ABCA13: variants seen among roughly 807,000 people sequenced by gnomAD.
ABCA13 encodes the protein ATP binding cassette subfamily A member 13.
A neutral mutation model predicts 478.7 loss-of-function variants in ABCA13; 476 were observed. That is an observed-to-expected ratio of 0.99 (90% CI 0.92 to 1.07). The LOEUF (loss-of-function observed/expected upper bound fraction) is 1.07. ABCA13 is among the 50% of genes least tolerant of loss of function. The probability of loss-of-function intolerance (pLI) is 0.00; values close to 1 mark genes in which losing one functional copy is unlikely to be tolerated. For missense variants in ABCA13, 6,060 were observed against 5,910.6 expected, an observed-to-expected ratio of 1.03 and a Z score of -0.83; for synonymous variants, 2,252 against 2,158.9, an observed-to-expected ratio of 1.04 and a Z score of -1.20.
intron 42 of ABCA13, among the ~76,000 whole-genome samples, chr7:48,430,400 G>A (rs778890709): frequency 6.6e-6 from 1 of 151,842 alleles, no homozygotes; most frequent in Non-Finnish European, 1.5e-5. Context: ...TGTTTGTCAG[G>A]CGTGGTGGCT....
intron 29 of ABCA13, among the ~76,000 whole-genome samples, chr7:48,347,759 A>G (rs2128973825): frequency 6.6e-6 from 1 of 152,350 alleles, no homozygotes; most frequent in South Asian, 2.1e-4. Flanking sequence ...TCTTAAAGCA[A>G]GATAAAGGCA....
chr7:48,464,926 G>C (rs1826698398), intron 43 of ABCA13, among the ~76,000 whole-genome samples: 1 of 152,174 alleles, frequency 6.6e-6, no homozygotes, highest in African/African-American at 2.4e-5. Flanking sequence ...ACTTATTATG[G>C]AATCGGTGTT....
At chr7:48,551,307 T>A (rs919767350) in intron 55 of ABCA13, among the ~76,000 whole-genome samples, 1 of 151,856 alleles carries the variant, frequency 6.6e-6, no homozygotes, top group African/African-American at 2.4e-5. Flanking sequence ...TAGAATTTGG[T>A]GAGGCAATAA....
rs1213797697 is a variant in ABCA13, at chr7:48,245,910, G to T, written c.1539G>T (p.Lys513Asn). Residue 513 changes from lysine (K) to asparagine (N), a missense_variant, in exon 13 of 62, where the codon AAG (lysine) becomes AAT (asparagine). Around this residue, in one of 3 missense-constraint regions of ABCA13, gnomAD observed 4,423 missense variants for 4,309.1 expected, o/e 1.03. Coordinates refer to ENST00000435803, the MANE Select transcript of ABCA13 (RefSeq NM_152701.5). ...AVCPNGRFSE[K>N]EVFLPPGNSS... is the part of the protein sequence containing the mutation. ...GCCCGAATGGTCGTTTCTCTGAGAA[G>T]GAGGTCTTTTTGCCGCCTGGAAACT... is the stretch of plus-strand genomic sequence containing the variant. The T allele has an allele frequency of 2.5e-6, 4 of 1,613,582 alleles. No homozygotes were observed. In the African/African-American group the frequency reaches 5.3e-5, roughly 22 times the overall value.
At chr7:48,198,079 T>G (rs530244265) in intron 2 of ABCA13, among the ~76,000 whole-genome samples, 158 bp from the exon 3 acceptor site, 5 of 152,316 alleles carry the variant, frequency 3.3e-5, no homozygotes, top group Admixed American at 2.0e-4. Context: ...TTCCATTTTG[T>G]TTGATTCTTT....
intron 55 of ABCA13, among the ~76,000 whole-genome samples, chr7:48,552,271 G>A (rs531690317): frequency 6.6e-6 from 1 of 151,812 alleles, no homozygotes; most frequent in African/African-American, 2.4e-5. Flanking sequence ...CATTCTTCTG[G>A]AAATACCAGT....
intron 52 of ABCA13, among the ~76,000 whole-genome samples, 187 bp from the exon 53 acceptor site, chr7:48,519,854 A>G (rs1396706659): frequency 8.5e-5 from 13 of 152,352 alleles, no homozygotes; most frequent in African/African-American, 2.4e-4. Context: ...AAATACCAGT[A>G]GATCTAATTA....
chr7:48,627,970 C>T (rs1320551080), intron 59 of ABCA13, among the ~76,000 whole-genome samples: 1 of 152,150 alleles, frequency 6.6e-6, no homozygotes, highest in Non-Finnish European at 1.5e-5. Context: ...CTCCATGACC[C>T]AAACACTTCC....
chr7:48,584,589 G>T (rs1484889228), intron 56 of ABCA13, among the ~76,000 whole-genome samples: 2 of 152,150 alleles, frequency 1.3e-5, no homozygotes, highest in African/African-American at 4.8e-5. Context: ...ATGCTGTCCA[G>T]GGCTGGTTCC....
Position 48,396,900 on chromosome 7 carries a change from T to C in ABCA13, c.11873+4761T>C, listed in dbSNP as rs1165132089. ...GGAATCTCACCCCAGTAAGGTCAGA[T>C]TGCAAACACGGGATCCTAGAGGGGC... is the stretch of plus-strand genomic sequence containing the variant. On this transcript the variant is annotated intron_variant, in intron 38 of 61. Coordinates refer to ENST00000435803, the MANE Select transcript of ABCA13 (RefSeq NM_152701.5). Among the ~76,000 whole-genome samples, 3 of 152,188 alleles carry C rather than the reference T, an allele frequency of 2.0e-5. No homozygotes were observed. The East Asian group carries it at 5.8e-4, about 29-fold the overall frequency.
intron 43 of ABCA13, among the ~76,000 whole-genome samples, chr7:48,462,325 G>A (rs968135139): frequency 6.6e-6 from 1 of 151,984 alleles, no homozygotes; most frequent in Non-Finnish European, 1.5e-5. Context: ...GATTATTTTT[G>A]TAGCTTCCAG....
chr7:48,404,017 G>A (rs1393274366), intron 39 of ABCA13, 138 bp downstream of exon 39: 26 of 1,020,324 alleles, frequency 2.5e-5, no homozygotes, highest in Non-Finnish European at 3.5e-5. Flanking sequence ...ATTTTTAAAA[G>A]CACTTATAGG....
At chr7:48,519,689 C>T (rs1018960333) in intron 52 of ABCA13, among the ~76,000 whole-genome samples, 3 of 152,178 alleles carry the variant, frequency 2.0e-5, no homozygotes, top group African/African-American at 7.2e-5. Flanking sequence ...TGAGTTTGTG[C>T]ACCTGCATCC....
At chr7:48,298,285 T>A in intron 22 of ABCA13, 81 bp from the exon 23 acceptor site, 1 of 1,300,688 alleles carries the variant, frequency 7.7e-7, no homozygotes, top group African/African-American at 1.5e-5. Flanking sequence ...CTAGCCAGGT[T>A]GTAATATCAA....
Position 48,412,272 on chromosome 7 carries a change from A to G in ABCA13, c.12229-81A>G. 3.8e-6 allele frequency: 4 copies of G among 1,061,028 alleles called. No homozygotes were observed. The Admixed American group carries it at 7.8e-5, about 21-fold the overall frequency. 65.7% of individuals were successfully genotyped at this position (1,061,028 alleles called of 1,614,324 possible). A position where few individuals can be genotyped will look rare whatever the true frequency, so the allele number is the denominator to read the frequency against. ...AATGGAGTTTTGAAATAATTTGCTT[A>G]TGGATATACATGAAATCAATTGATG... On this transcript the variant is annotated intron_variant, in intron 40 of 61. Transcript: ENST00000435803.
intron 53 of ABCA13, among the ~76,000 whole-genome samples, chr7:48,522,872 A>G (rs34651672): frequency 0.084 from 12,784 of 152,126 alleles, 939 homozygotes; most frequent in African/African-American, 0.2. Context: ...TGTGAATACT[A>G]CTCTGCCAGG....
chr7:48,236,701 G>A (rs559301105), intron 8 of ABCA13, among the ~76,000 whole-genome samples: 5 of 152,248 alleles, frequency 3.3e-5, no homozygotes, highest in South Asian at 4.1e-4. Flanking sequence ...CAGGATAATC[G>A]CCCATCTCAA....
chr7:48,585,131 C>T (rs1176444594), intron 56 of ABCA13, among the ~76,000 whole-genome samples: 3 of 152,146 alleles, frequency 2.0e-5, no homozygotes, highest in African/African-American at 7.2e-5. Context: ...AAATGCCAGG[C>T]ATTTATATTT....
rs773265628 is a variant in ABCA13 at position 48,580,336 on chromosome 7, T to C, written c.14467T>C (p.Cys4823Arg). 11 of 1,613,118 alleles carry C rather than the reference T, an allele frequency of 6.8e-6. No individual in the cohort carries two copies. Among genetic ancestry groups the C allele is most frequent in the Non-Finnish European group, 9.3e-6 (11 of 1,179,578 alleles). ...TGGTTGGGAACATCTCTATTATTACTGTAGCTTACGCGGGATTCCAAGGCA... is the reference window on the plus strand; with the variant it reads ...TGGTTGGGAACATCTCTATTATTACCGTAGCTTACGCGGGATTCCAAGGCA... ...LTGWEHLYYY[C>R]SLRGIPRQCI... The change falls in exon 56 of 62, where the codon TGT becomes CGT. Residue 4823 changes from cysteine to arginine, a missense_variant. Cys to Arg is a radical substitution (Grantham distance 180). This residue lies in a region of ABCA13 where 1,627 missense variants were observed against 1,571.0 expected (regional missense o/e 1.04). Transcript: ENST00000435803.
Sources: gnomAD v4.1 joint callset for allele counts (sites outside exome capture counted in the v4.1 genomes callset) on GRCh38, gnomAD v4.1.1 for gene constraint, gnomAD v4.1.1 regional missense constraint, MANE v1.5 for transcripts, NCBI Gene and HGNC (gene_info 2026-07-23, HGNC 2026-07-21) for gene names.